FRMD3: variants seen among roughly 807,000 people sequenced by gnomAD.
The protein encoded by FRMD3 is FERM domain-containing protein 3.
In FRMD3, 33 loss-of-function variants were observed where a neutral mutation model predicts 70.2. The ratio of observed to expected loss-of-function variants is 0.47; its 90% CI spans 0.36 to 0.63. FRMD3 has a LOEUF of 0.63. Among genes scored for constraint, FRMD3 ranks in the 20% least tolerant of loss-of-function variants. FRMD3 has a pLI of 0.00. For synonymous variants in FRMD3, 279 were observed against 255.9 expected (o/e 1.09, Z -0.86); for missense variants, 632 against 711.4 (o/e 0.89, Z 1.27).
At chr9:83,551,650 G>C in the FRMD3 span, among the ~76,000 whole-genome samples, 13 of 151,920 alleles carry the variant, frequency 8.6e-5, no homozygotes. Context: ...TTCCATTTTG[G>C]AGCTTGTTAT....
intron 1 of FRMD3, among the ~76,000 whole-genome samples, chr9:83,451,831 CTAACAATT>C (rs1032984342): frequency 6.6e-6 from 1 of 152,154 alleles, no homozygotes; most frequent in Non-Finnish European, 1.5e-5. Context: ...TATTAATAAT[CTAACAATT>C]TAACAATTTA....
chr9:83,274,120 C>T (rs1248510368), intron 13 of FRMD3, among the ~76,000 whole-genome samples: 1 of 152,086 alleles, frequency 6.6e-6, no homozygotes, highest in Non-Finnish European at 1.5e-5. Flanking sequence ...CATGCCTGGC[C>T]CATTTGTTCT....
upstream of FRMD3, among the ~76,000 whole-genome samples, chr9:83,542,673 A>ATC (rs1830012099): frequency 1.3e-5 from 2 of 152,240 alleles, no homozygotes; most frequent in African/African-American, 4.8e-5. Context: ...ACAAACTCAG[A>ATC]TGACTGATAT....
intron 3 of FRMD3, among the ~76,000 whole-genome samples, chr9:83,354,823 T>A (rs1234731800): frequency 6.6e-6 from 1 of 152,046 alleles, no homozygotes; most frequent in Non-Finnish European, 1.5e-5. Flanking sequence ...CCACCTCTGC[T>A]CCCTTTTCCC....
intron 1 of FRMD3, among the ~76,000 whole-genome samples, chr9:83,402,176 A>G (rs1825967726): frequency 6.6e-6 from 1 of 151,078 alleles, no homozygotes; most frequent in Non-Finnish European, 1.5e-5. Flanking sequence ...GCAACAGTCA[A>G]TTAGGAGCTG....
chr9:83,387,364 G>A (rs2131292112), intron 2 of FRMD3, among the ~76,000 whole-genome samples: 1 of 152,074 alleles, frequency 6.6e-6, no homozygotes, highest in South Asian at 2.1e-4. Flanking sequence ...GTTATTTTGT[G>A]ACACCAGTTG....
chr9:83,292,559 G>A (rs1329851379), intron 12 of FRMD3, among the ~76,000 whole-genome samples: 4 of 152,174 alleles, frequency 2.6e-5, no homozygotes, highest in African/African-American at 9.7e-5. Flanking sequence ...ACATATCTAT[G>A]TATAATCCAC....
chr9:83,526,314 A>C (rs1291001118), intron 1 of FRMD3, among the ~76,000 whole-genome samples: 1 of 152,232 alleles, frequency 6.6e-6, no homozygotes, highest in Non-Finnish European at 1.5e-5. Flanking sequence ...GGACCACACA[A>C]GTTATGTGAC....
chr9:83,428,964 C>T (rs1221569000), intron 1 of FRMD3, among the ~76,000 whole-genome samples: 1 of 151,750 alleles, frequency 6.6e-6, no homozygotes, highest in Non-Finnish European at 1.5e-5. Flanking sequence ...AACACACACG[C>T]ACACACACAC....
intron 6 of FRMD3, among the ~76,000 whole-genome samples, chr9:83,323,439 G>A (rs1403894403): frequency 6.6e-6 from 1 of 152,192 alleles, no homozygotes; most frequent in East Asian, 1.9e-4. Context: ...CAAAACTCAT[G>A]TTGAAACTTA....
chr9:83,582,720 T>C, the FRMD3 span, among the ~76,000 whole-genome samples: 1 of 152,158 alleles, frequency 6.6e-6, no homozygotes. Context: ...GAAATATTGG[T>C]GAGATGCTAT....
chr9:83,328,092 G>A (rs189633311), intron 6 of FRMD3, among the ~76,000 whole-genome samples: 28 of 152,076 alleles, frequency 1.8e-4, no homozygotes, highest in South Asian at 4.1e-4. Flanking sequence ...CACAATGCAC[G>A]GAAACTCAAA....
At position 83,480,496 on chromosome 9, in the gene FRMD3, ATTT is replaced by A. The variant is rs11376067; in HGVS notation, c.147+57586_147+57588del. On this transcript the variant is annotated intron_variant, in intron 1 of 13. Transcript: ENST00000304195. Reference sequence around the variant, plus strand: ...ATTAGGTTTTATAAGTAAACTAGAGATTTTTTTTTTTTTTTTGAGATGGAGTTT... The same window carrying A: ...ATTAGGTTTTATAAGTAAACTAGAGATTTTTTTTTTTTTGAGATGGAGTTT... Among the ~76,000 whole-genome samples, 597 of 143,020 alleles carry A rather than the reference ATTT, an allele frequency of 4.2e-3. 4 individuals carry two copies. Among genetic ancestry groups the A allele is most frequent in the Non-Finnish European group, 5.1e-3 (338 of 65,944 alleles). The allele number at this position is 143,020 out of a possible 152,430, so 93.8% of individuals were successfully genotyped here.
chr9:83,366,168 G>T (rs1554693789), intron 3 of FRMD3, among the ~76,000 whole-genome samples: 2 of 150,852 alleles, frequency 1.3e-5, no homozygotes, highest in African/African-American at 5.0e-5. Context: ...AAAGGGAAAA[G>T]CTCTTCATAT....
Position 83,247,890 on chromosome 9 carries a change from T to C in FRMD3, c.*28A>G. On this transcript the variant is annotated 3_prime_UTR_variant, in exon 14 of 14. Coordinates refer to ENST00000304195, the MANE Select transcript of FRMD3 (RefSeq NM_174938.6). ...AAAAAGAAATCACTAGCATTGAATA[T>C]AGCCCTTAGTCACGTGAGAGATTAA... 6.2e-7 allele frequency: 1 copy of C among 1,608,488 alleles called. No homozygotes were observed. Among genetic ancestry groups the C allele is most frequent in the South Asian group, 1.1e-5 (1 of 90,512 alleles).
chr9:83,560,004 G>A, the FRMD3 span, among the ~76,000 whole-genome samples: 15 of 152,030 alleles, frequency 9.9e-5, no homozygotes, highest in South Asian at 2.9e-3. Flanking sequence ...ATGCATCCCC[G>A]TGTGCTTTAC....
At chr9:83,484,129 C>T (rs1828632269) in intron 1 of FRMD3, among the ~76,000 whole-genome samples, 1 of 152,140 alleles carries the variant, frequency 6.6e-6, no homozygotes, top group Non-Finnish European at 1.5e-5. Context: ...TCAGTGCAAA[C>T]CTTTCCTCTG....
At chr9:83,332,955 A>C (rs1823439828) in intron 6 of FRMD3, among the ~76,000 whole-genome samples, 1 of 152,168 alleles carries the variant, frequency 6.6e-6, no homozygotes, top group Non-Finnish European at 1.5e-5. Flanking sequence ...AGAGTAATTC[A>C]ACCAAGGCCC....
chr9:83,369,545 G>A (rs1333340465), intron 3 of FRMD3, among the ~76,000 whole-genome samples: 2 of 151,540 alleles, frequency 1.3e-5, no homozygotes, highest in Non-Finnish European at 2.9e-5. Flanking sequence ...AGATGGCACT[G>A]TAGCCTGGAT....
Sources: gnomAD v4.1 joint callset for allele counts (sites outside exome capture counted in the v4.1 genomes callset) on GRCh38, gnomAD v4.1.1 for gene constraint, MANE v1.5 for transcripts, NCBI Gene and HGNC (gene_info 2026-07-23, HGNC 2026-07-21) for gene names.